The following RIMS1 variants were observed in gnomAD, a reference collection of about 807,000 sequenced individuals.
RIMS1 encodes the protein regulating synaptic membrane exocytosis 1.
RIMS1 carries 83 observed loss-of-function variants against 214.1 expected under a neutral mutation model. The ratio of observed to expected loss-of-function variants is 0.39; its 90% CI spans 0.32 to 0.47. The LOEUF is 0.47. Ranked by LOEUF, RIMS1 falls within the 20% of genes least tolerant of loss-of-function variation. RIMS1 has a pLI of 0.99. For missense variants in RIMS1, 2,050 were observed against 2,161.8 expected, an observed-to-expected ratio of 0.95 and a Z score of 1.03; for synonymous variants, 793 against 786.8, an observed-to-expected ratio of 1.01 and a Z score of -0.13.
chr6:71,967,784 CAT>C (rs1435304899), intron 1 of RIMS1, among the ~76,000 whole-genome samples: 4 of 152,196 alleles, frequency 2.6e-5, no homozygotes, highest in African/African-American at 9.7e-5. Context: ...TGTCATGTAA[CAT>C]ATTGATTTCG....
intron 1 of RIMS1, among the ~76,000 whole-genome samples, chr6:71,946,301 C>A (rs934906266): frequency 6.6e-6 from 1 of 151,890 alleles, no homozygotes; most frequent in Non-Finnish European, 1.5e-5. Flanking sequence ...CATATGAAAC[C>A]ACAAAAGACC....
intron 6 of RIMS1, among the ~76,000 whole-genome samples, chr6:72,185,230 G>T (rs1359226438): frequency 6.6e-6 from 1 of 152,090 alleles, no homozygotes; most frequent in Non-Finnish European, 1.5e-5. Context: ...CACTGTGGAA[G>T]AGAACCCCGA....
chr6:72,385,157 A>G (rs2098564735), intron 29 of RIMS1, among the ~76,000 whole-genome samples: 1 of 152,216 alleles, frequency 6.6e-6, no homozygotes, highest in Non-Finnish European at 1.5e-5. Flanking sequence ...CAAAGGTTTC[A>G]TGTCATAATT....
At chr6:72,333,949 G>T in intron 29 of RIMS1, 114 bp downstream of exon 29, 1 of 767,220 alleles carries the variant, frequency 1.3e-6, no homozygotes, top group Non-Finnish European at 2.1e-6. Context: ...TCTTTGAAAA[G>T]AAAATTTATT....
intron 2 of RIMS1, among the ~76,000 whole-genome samples, chr6:72,007,703 C>T (rs916548781): frequency 1.3e-5 from 2 of 152,100 alleles, no homozygotes; most frequent in African/African-American, 4.8e-5. Flanking sequence ...CTGATTTGAT[C>T]AACTGGAAGA....
chr6:72,334,811 A>C (rs1211990764), intron 29 of RIMS1, among the ~76,000 whole-genome samples: 1 of 151,914 alleles, frequency 6.6e-6, no homozygotes, highest in Non-Finnish European at 1.5e-5. Flanking sequence ...ATAAATTAGA[A>C]GTAGGAAATT....
intron 1 of RIMS1, among the ~76,000 whole-genome samples, chr6:71,899,914 A>C (rs1773080713): frequency 6.6e-6 from 1 of 152,170 alleles, no homozygotes; most frequent in African/African-American, 2.4e-5. Flanking sequence ...TTGAAGCAAA[A>C]ATAGATTGGG....
At position 72,305,540 on chromosome 6, in the gene RIMS1, C is replaced by A. The variant is rs528804422; in HGVS notation, c.3851-1718C>A. 3.3e-5 allele frequency among the ~76,000 whole-genome samples: 5 copies of A among 152,182 alleles called. No individual in the cohort carries two copies. In the South Asian group the frequency reaches 1.0e-3, roughly 31 times the overall value. ...AGCGTGTACCCAGAAGTACTCACAC[C>A]ATAGGCAAAAGACAGAGAACAGATA... On this transcript the variant is annotated intron_variant, in intron 26 of 33. Transcript: ENST00000521978.
At chr6:72,357,779 A>G (rs1406071116) in intron 29 of RIMS1, among the ~76,000 whole-genome samples, 1 of 152,210 alleles carries the variant, frequency 6.6e-6, no homozygotes, top group Non-Finnish European at 1.5e-5. Context: ...ACTTGCTCAT[A>G]ACCGTATCTC....
intron 4 of RIMS1, among the ~76,000 whole-genome samples, chr6:72,120,906 G>C (rs2038149874): frequency 6.6e-6 from 1 of 151,856 alleles, no homozygotes; most frequent in African/African-American, 2.4e-5. Context: ...TTATTAAATA[G>C]GGAATCGTTT....
At chr6:72,064,185 G>T (rs977864807) in intron 2 of RIMS1, among the ~76,000 whole-genome samples, 2 of 152,284 alleles carry the variant, frequency 1.3e-5, no homozygotes, top group Admixed American at 1.3e-4. Flanking sequence ...AGGCATAGCA[G>T]CAGGCGCCTG....
intron 1 of RIMS1, among the ~76,000 whole-genome samples, chr6:71,932,114 A>G (rs1200705789): frequency 1.3e-5 from 2 of 152,100 alleles, no homozygotes; most frequent in Non-Finnish European, 2.9e-5. Context: ...TGACTCAGCA[A>G]CCCCATTACT....
intron 2 of RIMS1, among the ~76,000 whole-genome samples, chr6:72,082,780 C>T (rs1026495734): frequency 6.6e-6 from 1 of 152,028 alleles, no homozygotes; most frequent in Admixed American, 6.6e-5. Flanking sequence ...CACATAGAGA[C>T]CCTGGTAACC....
intron 2 of RIMS1, among the ~76,000 whole-genome samples, chr6:71,973,328 A>G (rs934709882): frequency 6.6e-6 from 1 of 152,220 alleles, no homozygotes; most frequent in Non-Finnish European, 1.5e-5. Flanking sequence ...GGGTAATTTA[A>G]ACCATATACT....
At chr6:72,279,898 C>G (rs533322547) in intron 23 of RIMS1, among the ~76,000 whole-genome samples, 1 of 151,966 alleles carries the variant, frequency 6.6e-6, no homozygotes, top group South Asian at 2.1e-4. Context: ...AAAATTGAGT[C>G]TATACTGCCT....
chr6:72,015,408 T>C (rs1812358863), intron 2 of RIMS1, among the ~76,000 whole-genome samples: 1 of 152,258 alleles, frequency 6.6e-6, no homozygotes, highest in Non-Finnish European at 1.5e-5. Flanking sequence ...GCTTGTTTAT[T>C]AATCCTAACA....
intron 4 of RIMS1, among the ~76,000 whole-genome samples, chr6:72,169,378 A>G (rs2046710667): frequency 6.6e-6 from 1 of 152,208 alleles, no homozygotes; most frequent in South Asian, 2.1e-4. Flanking sequence ...TCTTTCATGA[A>G]GCCTATTTAA....
intron 19 of RIMS1, chr6:72,262,592 T>C (rs1248879436): frequency 1.0e-5 from 10 of 956,160 alleles, no homozygotes; most frequent in Non-Finnish European, 1.2e-5. Flanking sequence ...CAAAAATACG[T>C]GCATGTATGT....
At chr6:72,166,301 T>G (rs949860248) in intron 4 of RIMS1, among the ~76,000 whole-genome samples, 4 of 33,386 alleles carry the variant, frequency 1.2e-4, no homozygotes, top group Admixed American at 1.1e-3. Flanking sequence ...TTGGTGTCTG[T>G]TTTTTTTTTT....
Sources: gnomAD v4.1 joint callset for allele counts (sites outside exome capture counted in the v4.1 genomes callset) on GRCh38, gnomAD v4.1.1 for gene constraint, MANE v1.5 for transcripts, NCBI Gene and HGNC (gene_info 2026-07-23, HGNC 2026-07-21) for gene names.